CDC27: variants seen among roughly 807,000 people sequenced by gnomAD.
CDC27 encodes cell division cycle 27, also known as cell division cycle protein 27 homolog.
CDC27 carries 27 observed loss-of-function variants against 109.7 expected under a neutral mutation model. That is an observed-to-expected ratio of 0.25 (90% CI 0.18 to 0.34). The LOEUF is 0.34. Among genes scored for constraint, CDC27 ranks in the 10% least tolerant of loss-of-function variants. The pLI is 1.00. For synonymous variants in CDC27, 266 were observed against 333.9 expected (o/e 0.80, Z 2.22); for missense variants, 579 against 960.2 (o/e 0.60, Z 5.25).
intron 16 of CDC27, among the ~76,000 whole-genome samples, chr17:47,126,897 G>T (rs538390919): frequency 2.6e-5 from 4 of 152,004 alleles, no homozygotes; most frequent in African/African-American, 9.7e-5. Context: ...GGGTTCAAGC[G>T]ATTCTCATGC....
chr17:47,129,848 C>T (rs11570553), intron 15 of CDC27, among the ~76,000 whole-genome samples: 1,668 of 152,214 alleles, frequency 0.011, 55 homozygotes, highest in East Asian at 0.097. Flanking sequence ...ATCTTTAGAG[C>T]AGATATTTGG....
At position 47,151,846 on chromosome 17, in the gene CDC27, G is replaced by C. The variant is rs1397300634; in HGVS notation, c.1030C>G (p.Pro344Ala). 1 of 1,606,180 alleles carries C rather than the reference G, an allele frequency of 6.2e-7. No individual in the cohort carries two copies. Among genetic ancestry groups the C allele is most frequent in the Non-Finnish European group, 8.5e-7 (1 of 1,176,450 alleles). Residue 344 changes from proline to alanine, a missense_variant, in exon 9 of 19, where the codon CCA (proline) becomes GCA (alanine). By Grantham distance (27) the Pro-to-Ala change is conservative. Around this residue, in one of 9 missense-constraint regions of CDC27, gnomAD observed 74 missense variants for 148.9 expected, o/e 0.50. Transcript: ENST00000066544. ...SQSGNSREVTPILAQTQSSGP... is the reference protein window; with the variant it reads ...SQSGNSREVTAILAQTQSSGP... Reference sequence around the variant, plus strand: ...GAACTTTGTGTTTGTGCAAGAATTGGAGTTACCTCTCGGCTATTTCCACTC... The same window carrying C: ...GAACTTTGTGTTTGTGCAAGAATTGCAGTTACCTCTCGGCTATTTCCACTC...
At chr17:47,133,695 C>T (rs1027268118) in intron 14 of CDC27, among the ~76,000 whole-genome samples, 12 of 151,676 alleles carry the variant, frequency 7.9e-5, no homozygotes, top group South Asian at 4.2e-4. Context: ...GCCTCGGCCT[C>T]GGCCTCCCAA....
chr17:47,188,667 AT>A (rs1370042715), intron 1 of CDC27: 1 of 766,514 alleles, frequency 1.3e-6, no homozygotes, highest in East Asian at 1.3e-4. Context: ...AGAAATTAGT[AT>A]TAAAAAGACC....
intron 3 of CDC27, chr17:47,170,377 T>C (rs1212026504): frequency 1.3e-5 from 2 of 159,140 alleles, no homozygotes; most frequent in Non-Finnish European, 2.7e-5. Context: ...TTTAATTTTT[T>C]TGTAGAGACA....
chr17:47,152,423 C>G (rs1266869804), intron 8 of CDC27, among the ~76,000 whole-genome samples: 2 of 152,058 alleles, frequency 1.3e-5, no homozygotes, highest in African/African-American at 4.8e-5. Context: ...GATTACTTTC[C>G]AAAACCTAAG....
intron 4 of CDC27, 62 bp from the exon 5 acceptor site, chr17:47,158,365 T>C: frequency 1.3e-6 from 1 of 778,418 alleles, no homozygotes; most frequent in Non-Finnish European, 1.9e-6. Context: ...TCATAAACTT[T>C]TAGTATAAAA....
At chr17:47,144,124 G>A (rs190095345) in intron 9 of CDC27, 142 bp from the exon 10 acceptor site, 8 of 332,304 alleles carry the variant, frequency 2.4e-5, no homozygotes, top group East Asian at 4.5e-5. Flanking sequence ...AGTTCTTTTC[G>A]TGGTTTCTCT....
intron 14 of CDC27, among the ~76,000 whole-genome samples, chr17:47,132,777 A>ATTATTG (rs370648589): frequency 0.066 from 8,744 of 132,730 alleles, 338 homozygotes; most frequent in East Asian, 0.14. Context: ...TATTATTATT[A>ATTATTG]TTATATTTTA....
Position 47,159,361 on chromosome 17 carries a change from T to C in CDC27, c.378-1058A>G, listed in dbSNP as rs573549998. 1.5e-4 allele frequency: 121 copies of C among 812,704 alleles called. 1 individual carries two copies. Among genetic ancestry groups the C allele is most frequent in the Admixed American group, 9.1e-4 (34 of 37,556 alleles). 50.3% of individuals were successfully genotyped at this position (812,704 alleles called of 1,614,324 possible). A position where few individuals can be genotyped will look rare whatever the true frequency, so the allele number is the denominator to read the frequency against. Reference sequence around the variant, plus strand: ...TTAGAGATGGCATCAAAGGTGGCCTTGGTGAAGTTGCCCAGGGTGGCAGTG... The same window carrying C: ...TTAGAGATGGCATCAAAGGTGGCCTCGGTGAAGTTGCCCAGGGTGGCAGTG... On this transcript the variant is annotated intron_variant, in intron 4 of 18. Transcript: ENST00000066544.
At chr17:47,176,648 T>C (rs2064023146) in intron 2 of CDC27, among the ~76,000 whole-genome samples, 1 of 152,190 alleles carries the variant, frequency 6.6e-6, no homozygotes, top group Non-Finnish European at 1.5e-5. Flanking sequence ...AACAATTAGA[T>C]ACTTCTGAAG....
intron 9 of CDC27, 67 bp downstream of exon 9, chr17:47,151,738 TA>T: frequency 7.8e-7 from 1 of 1,284,122 alleles, no homozygotes; most frequent in Non-Finnish European, 1.1e-6. Context: ...ACTATCTGCC[TA>T]AATTAAAGAA....
intron 1 of CDC27, chr17:47,188,730 C>T: frequency 9.9e-7 from 1 of 1,014,474 alleles, no homozygotes; most frequent in Non-Finnish European, 1.2e-6. Context: ...AAAAAACCTC[C>T]GTAAACTTGC....
At chr17:47,169,007 T>C (rs947619604) in intron 4 of CDC27, among the ~76,000 whole-genome samples, 13 of 150,862 alleles carry the variant, frequency 8.6e-5, no homozygotes, top group Non-Finnish European at 1.5e-4. Flanking sequence ...TTTTTTTTTT[T>C]TGGAAACAGG....
At chr17:47,159,664 G>A (rs1408780869) in intron 4 of CDC27, 4 of 442,886 alleles carry the variant, frequency 9.0e-6, no homozygotes, top group Middle Eastern at 6.1e-4. Context: ...CACCCAGACC[G>A]ACGTGGCCAT....
intron 4 of CDC27, chr17:47,160,042 T>C (rs951994221): frequency 1.4e-5 from 3 of 213,032 alleles, no homozygotes; most frequent in African/African-American, 2.4e-5. Flanking sequence ...GGTAGGTCTT[T>C]TTCCTCCCCT....
chr17:47,141,945 T>G lies in CDC27; in HGVS notation c.1459A>C (p.Ile487Leu), dbSNP rs140737545. 2 of 1,608,430 alleles carry G rather than the reference T, an allele frequency of 1.2e-6. No individual in the cohort carries two copies. Among genetic ancestry groups the G allele is most frequent in the Non-Finnish European group, 1.7e-6 (2 of 1,176,610 alleles). ...TGGTGAGAAGGTAGATGGCTCAAAA[T>G]ATTTATAGCTTCTTTGCAGTTGTAT... is the stretch of plus-strand genomic sequence containing the variant. The part of the protein sequence containing the change: ...CSYNCKEAIN[I>L]LSHLPSHHYN... Residue 487 changes from isoleucine to leucine, a missense_variant, in exon 12 of 19, where the codon ATT becomes CTT. Ile to Leu is a conservative substitution (Grantham distance 5). Transcript: ENST00000066544.
chr17:47,178,388 A>C (rs1198245337), intron 2 of CDC27, among the ~76,000 whole-genome samples: 1 of 151,314 alleles, frequency 6.6e-6, no homozygotes, highest in Non-Finnish European at 1.5e-5. Flanking sequence ...TACAAAAATT[A>C]GCTGGGCATG....
chr17:47,175,282 T>C (rs1162104741), intron 2 of CDC27, among the ~76,000 whole-genome samples: 4 of 152,214 alleles, frequency 2.6e-5, no homozygotes, highest in African/African-American at 2.4e-5. Context: ...GATAGACGCC[T>C]CTTCTTCACG....
Sources: gnomAD v4.1 joint callset for allele counts (sites outside exome capture counted in the v4.1 genomes callset) on GRCh38, gnomAD v4.1.1 for gene constraint, gnomAD v4.1.1 regional missense constraint, MANE v1.5 for transcripts, NCBI Gene and HGNC (gene_info 2026-07-23, HGNC 2026-07-21) for gene names.